The following SLC44A5 variants were observed in gnomAD, a reference collection of about 807,000 sequenced individuals.
The protein encoded by SLC44A5 is choline transporter-like protein 5.
SLC44A5 carries 57 observed loss-of-function variants against 101.8 expected under a neutral mutation model. The ratio of observed to expected loss-of-function variants is 0.56; its 90% CI spans 0.45 to 0.70. SLC44A5 has a LOEUF of 0.70. SLC44A5 is among the 30% of genes least tolerant of loss of function. SLC44A5 has a pLI of 0.00. For missense variants in SLC44A5, 737 were observed against 853.1 expected (o/e 0.86, Z 1.70); for synonymous variants, 281 against 290.9 (o/e 0.97, Z 0.35).
At chr1:75,207,926 C>T (rs1016466382) in intron 23 of SLC44A5, among the ~76,000 whole-genome samples, 1 of 152,170 alleles carries the variant, frequency 6.6e-6, no homozygotes, top group Non-Finnish European at 1.5e-5. Context: ...CTAGGATGCT[C>T]TTCCCTTAGT....
intron 5 of SLC44A5, among the ~76,000 whole-genome samples, chr1:75,298,556 G>A (rs1654151126): frequency 6.6e-6 from 1 of 151,960 alleles, no homozygotes; most frequent in African/African-American, 2.4e-5. Context: ...AGTGGCAGTG[G>A]GTTTTCCCAC....
chr1:75,464,241 A>G (rs572836026), intron 2 of SLC44A5, among the ~76,000 whole-genome samples: 5,458 of 150,538 alleles, frequency 0.036, 146 homozygotes, highest in Non-Finnish European at 0.059. Context: ...AAAAAAAAAA[A>G]AAGCAAGAAA....
intron 1 of SLC44A5, among the ~76,000 whole-genome samples, chr1:75,591,841 A>AC (rs1344210631): frequency 2.6e-5 from 4 of 151,646 alleles, no homozygotes; most frequent in Non-Finnish European, 4.4e-5. Flanking sequence ...TCATGATAAA[A>AC]AAAAAACCTC....
At chr1:75,619,616 T>A in the SLC44A5 span, among the ~76,000 whole-genome samples, 1 of 152,090 alleles carries the variant, frequency 6.6e-6, no homozygotes, top group African/African-American at 2.4e-5. Flanking sequence ...GCCAATAATA[T>A]GTAGACTATG....
chr1:75,488,800 G>A (rs115946786), intron 2 of SLC44A5, among the ~76,000 whole-genome samples: 1 of 152,174 alleles, frequency 6.6e-6, no homozygotes, highest in African/African-American at 2.4e-5. Context: ...GAAATAACCT[G>A]ATGACATATA....
chr1:75,514,952 T>A (rs1421666945), intron 2 of SLC44A5, among the ~76,000 whole-genome samples: 2 of 152,206 alleles, frequency 1.3e-5, no homozygotes, highest in Non-Finnish European at 2.9e-5. Flanking sequence ...GGTTTTTTAA[T>A]CCAAGTAATT....
intron 2 of SLC44A5, among the ~76,000 whole-genome samples, chr1:75,466,027 G>A (rs996266537): frequency 1.3e-5 from 2 of 152,002 alleles, no homozygotes; most frequent in African/African-American, 2.4e-5. Flanking sequence ...CTCATTCTAC[G>A]AGGCCAGTAT....
chr1:75,523,790 C>T (rs1008787235), intron 2 of SLC44A5, among the ~76,000 whole-genome samples: 3 of 152,202 alleles, frequency 2.0e-5, no homozygotes, highest in South Asian at 2.1e-4. Context: ...TTGATTGCTA[C>T]GCCGGAGAGT....
the SLC44A5 span, among the ~76,000 whole-genome samples, chr1:75,716,759 T>G: frequency 1.8e-4 from 28 of 152,206 alleles, no homozygotes; most frequent in Non-Finnish European, 3.1e-4. Flanking sequence ...TGGCCGGGCA[T>G]GCTGGCTCAT....
upstream of SLC44A5, among the ~76,000 whole-genome samples, chr1:75,613,282 C>T (rs1675735331): frequency 6.6e-6 from 1 of 152,198 alleles, no homozygotes; most frequent in Middle Eastern, 3.2e-3. Flanking sequence ...CCTGCCCCTG[C>T]CAATAAAGCC....
At chr1:75,706,901 T>C in the SLC44A5 span, among the ~76,000 whole-genome samples, 1 of 152,182 alleles carries the variant, frequency 6.6e-6, no homozygotes, top group Non-Finnish European at 1.5e-5. Flanking sequence ...TATAAGCCTC[T>C]CACTCTCCCT....
At chr1:75,657,022 A>T in the SLC44A5 span, among the ~76,000 whole-genome samples, 1 of 152,052 alleles carries the variant, frequency 6.6e-6, no homozygotes. Context: ...GGTGGTGCAC[A>T]CCTGTAGTCC....
chr1:75,317,480 T>A (rs190428833), intron 4 of SLC44A5, among the ~76,000 whole-genome samples: 2 of 152,206 alleles, frequency 1.3e-5, no homozygotes, highest in Non-Finnish European at 2.9e-5. Flanking sequence ...ATTCTCAATG[T>A]TTTTGTGGTT....
At chr1:75,258,594 G>T (rs1035604896) in intron 6 of SLC44A5, among the ~76,000 whole-genome samples, 1 of 152,228 alleles carries the variant, frequency 6.6e-6, no homozygotes, top group Admixed American at 6.5e-5. Flanking sequence ...GCGGTCGGGG[G>T]TCCAGCTTCA....
chr1:75,707,422 C>T, the SLC44A5 span, among the ~76,000 whole-genome samples: 812 of 152,278 alleles, frequency 5.3e-3, 8 homozygotes, highest in African/African-American at 0.019. Flanking sequence ...GATCAAACGT[C>T]AGTTCCTGGT....
At chr1:75,549,078 A>T (rs1399834664) in intron 1 of SLC44A5, among the ~76,000 whole-genome samples, 1 of 152,134 alleles carries the variant, frequency 6.6e-6, no homozygotes, top group Non-Finnish European at 1.5e-5. Context: ...TCTAGTCAAC[A>T]TCTGCAGAAT....
intron 2 of SLC44A5, among the ~76,000 whole-genome samples, chr1:75,418,285 G>T (rs1434368674): frequency 1.3e-5 from 2 of 152,118 alleles, no homozygotes; most frequent in African/African-American, 2.4e-5. Context: ...AGGAATACAA[G>T]AACGTACAAA....
In SLC44A5 at chr1:75,370,776, G is replaced by C. The variant is rs183443756; in HGVS notation, c.52+25807C>G. On this transcript the variant is annotated intron_variant, in intron 3 of 23. Coordinates refer to ENST00000370859, the MANE Select transcript of SLC44A5 (RefSeq NM_001130058.2). Reference sequence around the variant, plus strand: ...ATGGTAGGCTAATGAGAAGAGTCAGGGGTGTCAGAGAGATGGAGAAAATCA... The same window carrying C: ...ATGGTAGGCTAATGAGAAGAGTCAGCGGTGTCAGAGAGATGGAGAAAATCA... Among the ~76,000 whole-genome samples, 703 of 152,292 alleles carry C rather than the reference G, an allele frequency of 4.6e-3. 2 individuals carry two copies. Among genetic ancestry groups the C allele is most frequent in the South Asian group, 0.012 (56 of 4,824 alleles).
In SLC44A5 at chr1:75,202,982, A is replaced by G. The variant is rs1484881068; in HGVS notation, c.*745T>C. The G allele has an allele frequency of 6.6e-6, 1 of 152,224 alleles. No individual in the cohort carries two copies. The highest frequency in any genetic ancestry group is 6.5e-5 in the Admixed American group (1 of 15,282). The allele number at this position is 152,224 out of a possible 1,614,324, so 9.4% of individuals were successfully genotyped here. A position where few individuals can be genotyped will look rare whatever the true frequency, so the allele number is the denominator to read the frequency against. ...ATTGTTTAGCTGCACAATGTATTCC[A>G]TAATAGTGAGGATATCAAACAGAGC... On this transcript the variant is annotated 3_prime_UTR_variant, in exon 24 of 24. Coordinates refer to ENST00000370859, the MANE Select transcript of SLC44A5 (RefSeq NM_001130058.2).
Sources: allele counts gnomAD v4.1 joint callset (sites outside exome capture counted in the v4.1 genomes callset), GRCh38; gene constraint gnomAD v4.1.1; transcripts MANE v1.5; gene names NCBI Gene and HGNC (gene_info 2026-07-23, HGNC 2026-07-21).